Variants in PPP3CB observed in about 807,000 individuals in gnomAD.
PPP3CB encodes the protein protein phosphatase 3 catalytic subunit beta.
Under a neutral mutation model 66.4 loss-of-function variants are expected in PPP3CB, and 8 were observed. The ratio of observed to expected loss-of-function variants is 0.12; its 90% confidence interval spans 0.07 to 0.22. PPP3CB has a LOEUF of 0.22. PPP3CB is among the 10% of genes least tolerant of loss of function. PPP3CB has a pLI of 1.00. For missense variants in PPP3CB, 319 were observed against 642.5 expected (o/e 0.50, Z 5.44); for synonymous variants, 208 against 221.2 (o/e 0.94, Z 0.53).
chr10:73,478,060 T>C (rs1564565341), intron 3 of PPP3CB, among the ~76,000 whole-genome samples: 1 of 152,196 alleles, frequency 6.6e-6, no homozygotes, highest in Non-Finnish European at 1.5e-5. Flanking sequence ...AGGATATACT[T>C]GAGTCTTAAT....
chr10:73,448,328 A>ATTTCTT (rs2056292159), intron 10 of PPP3CB, among the ~76,000 whole-genome samples: 2 of 152,234 alleles, frequency 1.3e-5, no homozygotes, highest in Non-Finnish European at 2.9e-5. Context: ...ATTAAAGTAA[A>ATTTCTT]TGGTCACAGT....
At chr10:73,467,284 GAAA>G in intron 9 of PPP3CB, 5 of 140,604 alleles carry the variant, frequency 3.6e-5, no homozygotes, top group Non-Finnish European at 4.3e-5. Flanking sequence ...TTAAGCTAAA[GAAA>G]AAAAAAAAAA....
intron 10 of PPP3CB, among the ~76,000 whole-genome samples, chr10:73,452,601 C>T (rs1361665134): frequency 6.6e-6 from 1 of 151,330 alleles, no homozygotes; most frequent in African/African-American, 2.4e-5. Flanking sequence ...GAGGCTGAGG[C>T]AGGAGAATTG....
At chr10:73,464,814 C>CCCACTACTCAGGAGGCTGAGG (rs2056592255) in intron 9 of PPP3CB, among the ~76,000 whole-genome samples, 1 of 151,882 alleles carries the variant, frequency 6.6e-6, no homozygotes, top group African/African-American at 2.4e-5. Context: ...TGCCTGTAAT[C>CCCACTACTCAGGAGGCTGAGG]CCACTACTCA....
At position 73,478,589 on chromosome 10, in the gene PPP3CB, C is replaced by G; in HGVS notation, c.321G>C (p.Leu107=). ...ATCCTCCTACTTCAAAAAGTTTCAT[C>G]AGATCAAAAAATTGGCCATGGATGT... ...CGDIHGQFFD[L]MKLFEVGGSP... Residue 107 remains leucine, a synonymous_variant, in exon 3 of 14, where the codon CTG becomes CTC. Coordinates refer to ENST00000360663, the MANE Select transcript of PPP3CB (RefSeq NM_021132.4). 1 of 1,612,540 alleles carries G rather than the reference C, an allele frequency of 6.2e-7. No individual in the cohort carries two copies. The highest frequency in any genetic ancestry group is 8.5e-7 in the Non-Finnish European group (1 of 1,178,842).
At chr10:73,489,408 CAAT>C (rs10524475) in intron 1 of PPP3CB, among the ~76,000 whole-genome samples, 119 of 149,928 alleles carry the variant, frequency 7.9e-4, no homozygotes, top group Admixed American at 6.3e-3. Flanking sequence ...TTAAAACCTT[CAAT>C]AATAATAATA....
rs193035904 is a variant in PPP3CB at position 73,443,427 on chromosome 10, A to T, written c.1366+1298T>A. Among the ~76,000 whole-genome samples, 399 of 152,330 alleles carry T rather than the reference A, an allele frequency of 2.6e-3. 2 individuals carry two copies. The highest frequency in any genetic ancestry group is 4.4e-3 in the Non-Finnish European group (302 of 68,014). ...TGAAGTCAAATGTAAATTCATTCAA[A>T]ACGTTAAAATTGCCTATTTTTTTCC... On this transcript the variant is annotated intron_variant, in intron 12 of 13. Transcript: ENST00000360663.
chr10:73,456,029 C>T (rs1303562911), intron 9 of PPP3CB, among the ~76,000 whole-genome samples: 1 of 152,208 alleles, frequency 6.6e-6, no homozygotes, highest in East Asian at 1.9e-4. Context: ...CAAATAAGTA[C>T]ACAAAATAAG....
chr10:73,450,259 C>T (rs1406941248), intron 10 of PPP3CB, among the ~76,000 whole-genome samples: 1 of 152,170 alleles, frequency 6.6e-6, no homozygotes, highest in Non-Finnish European at 1.5e-5. Flanking sequence ...AGACCAGTTC[C>T]ATAGAATGGT....
intron 3 of PPP3CB, 126 bp downstream of exon 3, chr10:73,478,373 T>A: frequency 1.3e-6 from 1 of 793,524 alleles, no homozygotes; most frequent in Non-Finnish European, 2.0e-6. Flanking sequence ...TAGCTTTTCA[T>A]AAAAACTTCA....
chr10:73,486,024 C>T lies in PPP3CB; in HGVS notation c.86-6507G>A, dbSNP rs1350740171. Among the ~76,000 whole-genome samples the T allele has an allele frequency of 2.0e-5, 3 of 151,170 alleles. No homozygotes were observed. In the East Asian group the frequency reaches 5.9e-4, roughly 30 times the overall value. On this transcript the variant is annotated intron_variant, in intron 1 of 13. Transcript: ENST00000360663. ...GCAGTGGCGCAACATGAGCTCACTG[C>T]AACCTCTGCCTCCCAGGTTCAAGCG...
At chr10:73,482,658 C>T (rs560316604) in intron 1 of PPP3CB, among the ~76,000 whole-genome samples, 1 of 151,748 alleles carries the variant, frequency 6.6e-6, no homozygotes, top group East Asian at 1.9e-4. Context: ...ATTCTTGTCT[C>T]CCAGGCTGGA....
chr10:73,451,744 T>C (rs978933608), intron 10 of PPP3CB, among the ~76,000 whole-genome samples: 6 of 134,660 alleles, frequency 4.5e-5, no homozygotes, highest in Admixed American at 8.8e-5. Flanking sequence ...ACTCATCTCT[T>C]TTTTTTTTTT....
intron 6 of PPP3CB, 22 bp from the exon 7 acceptor site, chr10:73,470,986 T>A: frequency 6.2e-7 from 1 of 1,609,224 alleles, no homozygotes; most frequent in Non-Finnish European, 8.5e-7. Flanking sequence ...AAAGAGTAAA[T>A]TAAGTAAAAT....
chr10:73,470,770 T>C lies in PPP3CB; in HGVS notation c.899A>G (p.Tyr300Cys). ...HEAQDAGYRM[Y>C]RKSQTTGFPS... ...GAACCCTGTAGTTTGACTTTTTCTGTACATTCTATAGCTGCAAAACAAATA... is the reference window on the plus strand; with the variant it reads ...GAACCCTGTAGTTTGACTTTTTCTGCACATTCTATAGCTGCAAAACAAATA... The change falls in exon 8 of 14, where the codon TAC (tyrosine) becomes TGC (cysteine). Residue 300 changes from tyrosine to cysteine, a missense_variant. Transcript: ENST00000360663. The C allele has an allele frequency of 6.2e-7, 1 of 1,604,510 alleles. No homozygotes were observed. The highest frequency in any genetic ancestry group is 8.5e-7 in the Non-Finnish European group (1 of 1,174,294).
chr10:73,480,013 A>C (rs976280811), intron 1 of PPP3CB, among the ~76,000 whole-genome samples: 7 of 152,032 alleles, frequency 4.6e-5, no homozygotes, highest in African/African-American at 2.4e-5. Context: ...ACCCCACAAC[A>C]CTTTAATACC....
Position 73,495,849 on chromosome 10 carries a change from G to C in PPP3CB, c.41C>G (p.Pro14Arg). 2 of 1,468,826 alleles carry C rather than the reference G, an allele frequency of 1.4e-6. No individual in the cohort carries two copies. Among genetic ancestry groups the C allele is most frequent in the Non-Finnish European group, 1.8e-6 (2 of 1,108,120 alleles). The allele number at this position is 1,468,826 out of a possible 1,614,324, so 91.0% of individuals were successfully genotyped here. ...CCCGGGAGGGGGCGGCGGGGGCGGG[G>C]GTGGGGGCGGTGCAGCCCGGGCCGG... The part of the protein sequence containing the change: ...PEPARAAPPP[P>R]PPPPPPPGAD... Residue 14 changes from proline (P) to arginine (R), a missense_variant, in exon 1 of 14, where the codon CCC becomes CGC. Pro to Arg is a moderately radical substitution (Grantham distance 103). Around this residue, in one of 5 missense-constraint regions of PPP3CB, gnomAD observed 104 missense variants for 128.4 expected, o/e 0.81. Coordinates refer to ENST00000360663, the MANE Select transcript of PPP3CB (RefSeq NM_021132.4).
intron 1 of PPP3CB, among the ~76,000 whole-genome samples, chr10:73,487,026 T>G (rs569318544): frequency 5.9e-5 from 9 of 151,738 alleles, no homozygotes; most frequent in Admixed American, 5.9e-4. Flanking sequence ...AAAAATTAGC[T>G]GGGCATGGTG....
intron 3 of PPP3CB, chr10:73,477,264 C>A (rs1399586019): frequency 1.9e-6 from 1 of 513,802 alleles, no homozygotes; most frequent in Admixed American, 2.0e-5. Context: ...AAATTTGACC[C>A]CACAATTCTA....
Sources: gnomAD v4.1 joint callset for allele counts (sites outside exome capture counted in the v4.1 genomes callset) on GRCh38, gnomAD v4.1.1 for gene constraint, gnomAD v4.1.1 regional missense constraint, MANE v1.5 for transcripts, NCBI Gene and HGNC (gene_info 2026-07-23, HGNC 2026-07-21) for gene names.